LY96: variants seen among roughly 807,000 people sequenced by gnomAD.
The protein encoded by LY96 is lymphocyte antigen 96.
LY96 carries 18 observed loss-of-function variants against 18.9 expected under a neutral mutation model. That is an observed-to-expected ratio of 0.95 (90% CI 0.66 to 1.41). LY96 has a LOEUF of 1.41. LY96 is among the 40% of genes most tolerant of loss of function. LY96 has a pLI of 0.00. For synonymous variants in LY96, 66 were observed against 62.6 expected (o/e 1.06, Z -0.26); for missense variants, 175 against 182.4 (o/e 0.96, Z 0.23).
chr8:74,019,601 G>A (rs1816717556), intron 3 of LY96, among the ~76,000 whole-genome samples: 1 of 152,120 alleles, frequency 6.6e-6, no homozygotes, highest in Non-Finnish European at 1.5e-5. Flanking sequence ...ACCAAAGCCT[G>A]GCAGAGACAC....
intron 1 of LY96, among the ~76,000 whole-genome samples, chr8:73,996,372 C>CTTTCTTTCTTTCTTT (rs756373007): frequency 4.5e-4 from 50 of 111,002 alleles, no homozygotes; most frequent in East Asian, 1.3e-3. Flanking sequence ...TTCCTTCATT[C>CTTTCTTTCTTTCTTT]CTTTCTTTCT....
At chr8:74,065,899 G>C in the LY96 span, among the ~76,000 whole-genome samples, 1 of 152,182 alleles carries the variant, frequency 6.6e-6, no homozygotes, top group Non-Finnish European at 1.5e-5. Flanking sequence ...TTATATTGGT[G>C]AGTACAAAGG....
chr8:74,091,556 T>C, the LY96 span, among the ~76,000 whole-genome samples: 1 of 152,212 alleles, frequency 6.6e-6, no homozygotes, highest in South Asian at 2.1e-4. Flanking sequence ...TATTCTTTCA[T>C]GGTGTTAATG....
chr8:74,089,528 C>A, the LY96 span, among the ~76,000 whole-genome samples: 1 of 152,098 alleles, frequency 6.6e-6, no homozygotes, highest in African/African-American at 2.4e-5. Context: ...CCCTCGGGAA[C>A]CAGGGTCTAG....
At chr8:74,038,756 T>C in the LY96 span, among the ~76,000 whole-genome samples, 139 of 152,342 alleles carry the variant, frequency 9.1e-4, no homozygotes, top group Admixed American at 8.2e-3. Context: ...TCTTTATCCA[T>C]TCATCTGTTG....
chr8:74,003,357 G>A lies in LY96; in HGVS notation c.113-1439G>A, dbSNP rs867507189. ...AAGGGGGTGGGCTAGCTTGAAGCAGGCTTACAGTGGCACAAAAGCAAGGAT... is the reference window on the plus strand; with the variant it reads ...AAGGGGGTGGGCTAGCTTGAAGCAGACTTACAGTGGCACAAAAGCAAGGAT... On this transcript the variant is annotated intron_variant, in intron 1 of 4. Coordinates refer to ENST00000284818, the MANE Select transcript of LY96 (RefSeq NM_015364.5). Among the ~76,000 whole-genome samples, 14 of 152,188 alleles carry A rather than the reference G, an allele frequency of 9.2e-5. No individual in the cohort carries two copies. The South Asian group carries it at 2.9e-3, about 32-fold the overall frequency.
chr8:74,044,129 C>T, the LY96 span, among the ~76,000 whole-genome samples: 3 of 151,652 alleles, frequency 2.0e-5, no homozygotes, highest in Admixed American at 6.6e-5. Context: ...GTAAACAACA[C>T]TTAGTAAGCA....
the LY96 span, among the ~76,000 whole-genome samples, chr8:74,092,450 A>C: frequency 6.6e-6 from 1 of 152,218 alleles, no homozygotes; most frequent in Non-Finnish European, 1.5e-5. Context: ...ATGCTCTTCT[A>C]TACAAGTTGC....
At chr8:73,993,663 C>T (rs1269563612) in intron 1 of LY96, among the ~76,000 whole-genome samples, 2 of 152,060 alleles carry the variant, frequency 1.3e-5, no homozygotes, top group Non-Finnish European at 2.9e-5. Flanking sequence ...GGCTGGCCTC[C>T]AACTCCTGAC....
At chr8:74,013,151 A>G (rs1476093847) in intron 3 of LY96, among the ~76,000 whole-genome samples, 1 of 151,668 alleles carries the variant, frequency 6.6e-6, no homozygotes, top group Non-Finnish European at 1.5e-5. Context: ...TTGGAGTCAG[A>G]ATCTCACTCT....
chr8:74,006,348 C>T (rs1816411563), intron 2 of LY96, among the ~76,000 whole-genome samples: 5 of 152,122 alleles, frequency 3.3e-5, no homozygotes, highest in Admixed American at 3.3e-4. Flanking sequence ...TAGGCACCCA[C>T]CACCATGCCT....
the LY96 span, among the ~76,000 whole-genome samples, chr8:74,060,091 G>A: frequency 1.3e-5 from 2 of 152,190 alleles, 1 homozygote; most frequent in African/African-American, 4.8e-5. Context: ...AGGTTGCAGT[G>A]AGCCAGGATC....
intron 3 of LY96, among the ~76,000 whole-genome samples, chr8:74,014,794 C>T (rs1230059401): frequency 1.3e-5 from 2 of 150,486 alleles, no homozygotes; most frequent in Admixed American, 6.7e-5. Context: ...GTAAAAGTTA[C>T]CCATAATCTC....
At chr8:74,059,207 T>C in the LY96 span, among the ~76,000 whole-genome samples, 4 of 152,228 alleles carry the variant, frequency 2.6e-5, no homozygotes, top group South Asian at 8.3e-4. Flanking sequence ...GTACATAAAA[T>C]TAACTATCAC....
intron 3 of LY96, among the ~76,000 whole-genome samples, chr8:74,026,539 T>C (rs1257496975): frequency 6.6e-6 from 1 of 152,224 alleles, no homozygotes. Context: ...TATTCATTAT[T>C]GAGACCAGCA....
chr8:74,086,085 T>G, the LY96 span, among the ~76,000 whole-genome samples: 1 of 152,200 alleles, frequency 6.6e-6, no homozygotes, highest in Non-Finnish European at 1.5e-5. Flanking sequence ...TATCCTCTGT[T>G]TTCTATGGGT....
chr8:74,070,960 C>T, the LY96 span, among the ~76,000 whole-genome samples: 1 of 152,090 alleles, frequency 6.6e-6, no homozygotes, highest in South Asian at 2.1e-4. Flanking sequence ...TATCCAGTGT[C>T]AAGCATTTTA....
At chr8:74,022,315 C>T (rs960904854) in intron 3 of LY96, among the ~76,000 whole-genome samples, 2 of 151,840 alleles carry the variant, frequency 1.3e-5, no homozygotes, top group Admixed American at 1.3e-4. Flanking sequence ...GAGCCTGAGG[C>T]AGGAGAATCA....
chr8:74,044,693 T>C, the LY96 span, among the ~76,000 whole-genome samples: 16 of 152,336 alleles, frequency 1.1e-4, no homozygotes, highest in African/African-American at 3.6e-4. Context: ...TTTCATTCTT[T>C]TCTCCTTCAA....
Sources: allele counts gnomAD v4.1 joint callset (sites outside exome capture counted in the v4.1 genomes callset), GRCh38; gene constraint gnomAD v4.1.1; transcripts MANE v1.5; gene names NCBI Gene and HGNC (gene_info 2026-07-23, HGNC 2026-07-21).